The following NAP1L1 variants were observed in gnomAD, a reference collection of about 807,000 sequenced individuals.
The protein encoded by NAP1L1 is nucleosome assembly protein 1 like 1.
Under a neutral mutation model 58.9 loss-of-function variants are expected in NAP1L1, and 9 were observed. The ratio of observed to expected loss-of-function variants is 0.15; its 90% confidence interval spans 0.09 to 0.27. The LOEUF (loss-of-function observed/expected upper bound fraction) is 0.27, where lower values mean the gene tolerates loss of function less well. NAP1L1 is among the 10% of genes least tolerant of loss of function. The pLI is 1.00. For synonymous variants in NAP1L1, 130 were observed against 138.3 expected (o/e 0.94, Z 0.42); for missense variants, 302 against 458.8 (o/e 0.66, Z 3.12).
In NAP1L1 at chr12:76,047,469, C is replaced by T. The variant is rs1258825798; in HGVS notation, c.*960G>A. The T allele has an allele frequency of 1.4e-5, 2 of 143,736 alleles. No homozygotes were observed. Among genetic ancestry groups the T allele is most frequent in the African/African-American group, 2.6e-5 (1 of 38,780 alleles). 8.9% of individuals were successfully genotyped at this position (143,736 alleles called of 1,614,324 possible). ...ACACTTGCTTATTAGTATAGCATCT[C>T]GTTCCAAAGCTGGTACCTTTTCTTC... is the stretch of plus-strand genomic sequence containing the variant. On this transcript the variant is annotated 3_prime_UTR_variant, in exon 15 of 15. Transcript: ENST00000618691.
intron 2 of NAP1L1, among the ~76,000 whole-genome samples, chr12:76,073,547 A>G (rs772633154): frequency 2.6e-5 from 4 of 152,198 alleles, no homozygotes; most frequent in Non-Finnish European, 4.4e-5. Flanking sequence ...TGACCCAGAT[A>G]GTCTTTCTTC....
chr12:76,075,372 TTTAA>T (rs1279156521), intron 1 of NAP1L1, among the ~76,000 whole-genome samples: 1 of 152,192 alleles, frequency 6.6e-6, no homozygotes, highest in African/African-American at 2.4e-5. Context: ...TTAATACATA[TTTAA>T]TTCACAAAAT....
chr12:76,080,306 A>G (rs939715054), intron 1 of NAP1L1, among the ~76,000 whole-genome samples: 1 of 152,246 alleles, frequency 6.6e-6, no homozygotes, highest in Non-Finnish European at 1.5e-5. Context: ...AATTATTTAC[A>G]GTACATAATA....
At chr12:76,078,536 A>G (rs1950283439) in intron 1 of NAP1L1, among the ~76,000 whole-genome samples, 1 of 152,236 alleles carries the variant, frequency 6.6e-6, no homozygotes, top group Non-Finnish European at 1.5e-5. Context: ...AAACAAATAC[A>G]TACCTACAGA....
chr12:76,058,677 C>A (rs562771200), intron 6 of NAP1L1, among the ~76,000 whole-genome samples: 16 of 152,254 alleles, frequency 1.1e-4, no homozygotes, highest in Non-Finnish European at 1.0e-4. Context: ...TGAGCCACTG[C>A]GCCTGGCCTT....
At chr12:76,051,236 G>A (rs1948811734) in intron 11 of NAP1L1, among the ~76,000 whole-genome samples, 1 of 151,478 alleles carries the variant, frequency 6.6e-6, no homozygotes, top group Non-Finnish European at 1.5e-5. Context: ...GAACTGCTTA[G>A]TTTTTGCTGG....
intron 4 of NAP1L1, among the ~76,000 whole-genome samples, chr12:76,066,063 A>C (rs1244105449): frequency 6.6e-6 from 1 of 150,956 alleles, no homozygotes. Flanking sequence ...TAAAAAAAAA[A>C]AAAAAACTAG....
chr12:76,054,429 G>A (rs1320033009), intron 8 of NAP1L1, among the ~76,000 whole-genome samples: 3 of 152,146 alleles, frequency 2.0e-5, no homozygotes, highest in Non-Finnish European at 4.4e-5. Context: ...AAATTGAACT[G>A]AATAGAACTT....
intron 7 of NAP1L1, among the ~76,000 whole-genome samples, chr12:76,055,710 CA>C (rs1949054472): frequency 6.6e-6 from 1 of 152,156 alleles, no homozygotes; most frequent in African/African-American, 2.4e-5. Context: ...AAGGGAATTG[CA>C]TAATTGCAGC....
chr12:76,074,401 A>C (rs1950097668), intron 1 of NAP1L1, 162 bp from the exon 2 acceptor site: 1 of 970,560 alleles, frequency 1.0e-6, no homozygotes, highest in South Asian at 4.8e-5. Context: ...CTCATGGAAC[A>C]TGCAAATTCT....
intron 1 of NAP1L1, among the ~76,000 whole-genome samples, chr12:76,076,250 T>C (rs1950164782): frequency 6.6e-6 from 1 of 152,126 alleles, no homozygotes; most frequent in African/African-American, 2.4e-5. Context: ...CACACTCCTA[T>C]AAAGCTTTCT....
intron 14 of NAP1L1, among the ~76,000 whole-genome samples, chr12:76,048,671 TAAA>T (rs900534699): frequency 2.0e-5 from 3 of 152,084 alleles, no homozygotes; most frequent in African/African-American, 7.2e-5. Flanking sequence ...ATTAACTCCA[TAAA>T]ATGTGACACA....
At chr12:76,084,218 C>G (rs1465217956) in intron 1 of NAP1L1, 1 of 152,214 alleles carries the variant, frequency 6.6e-6, no homozygotes, top group Non-Finnish European at 1.5e-5. Flanking sequence ...TCCCGGTCCT[C>G]GCGGCGCAGC....
Position 76,039,875 on chromosome 12 carries a change from T to C in NAP1L1, c.*8554A>G, listed in dbSNP as rs915385207. On this transcript the variant is annotated 3_prime_UTR_variant, in exon 15 of 15. Transcript: ENST00000618691. ...TGCTGATTAATACTGTAAACTGAAA[T>C]CCCACTAGTTTAAAACTATACATGG... is the stretch of plus-strand genomic sequence containing the variant. The C allele has an allele frequency of 6.6e-6, 1 of 152,190 alleles. No homozygotes were observed. Among genetic ancestry groups the C allele is most frequent in the Non-Finnish European group, 1.5e-5 (1 of 68,034 alleles). The allele number at this position is 152,190 out of a possible 1,614,324, so 9.4% of individuals were successfully genotyped here. A position where few individuals can be genotyped will look rare whatever the true frequency, so the allele number is the denominator to read the frequency against.
rs1408566312 is a variant in NAP1L1, at chr12:76,038,730, T to C, written c.*9699A>G. On this transcript the variant is annotated 3_prime_UTR_variant, in exon 15 of 15. Coordinates refer to ENST00000618691, the MANE Select transcript of NAP1L1 (RefSeq NM_004537.7). ...ACAAGAAGATAAAACCCAGGAAATG[T>C]TTATGGCAAGCTTGTATGTTGCCAC... 1 of 152,094 alleles carries C rather than the reference T, an allele frequency of 6.6e-6. No homozygotes were observed. The highest frequency in any genetic ancestry group is 1.9e-4 in the East Asian group (1 of 5,186). 9.4% of individuals were successfully genotyped at this position (152,094 alleles called of 1,614,324 possible).
rs1435761395 is a variant in NAP1L1 at position 76,061,333 on chromosome 12, A to G, written c.207-1054T>C. 2.6e-5 allele frequency among the ~76,000 whole-genome samples: 4 copies of G among 152,244 alleles called. No homozygotes were observed. In the East Asian group the frequency reaches 7.7e-4, roughly 29 times the overall value. On this transcript the variant is annotated intron_variant, in intron 4 of 14. Coordinates refer to ENST00000618691, the MANE Select transcript of NAP1L1 (RefSeq NM_004537.7). Reference sequence around the variant, plus strand: ...GTCTGTTGTTTCCTTCTTTGTGTTCATGAGTTCTCATCATTTAGCTCCTAC... The same window carrying G: ...GTCTGTTGTTTCCTTCTTTGTGTTCGTGAGTTCTCATCATTTAGCTCCTAC...
rs780032291 is a variant in NAP1L1 at position 76,060,294 on chromosome 12, A to G, written c.207-15T>C. On this transcript the variant is annotated splice_polypyrimidine_tract_variant and intron_variant, in intron 4 of 14. Coordinates refer to ENST00000618691, the MANE Select transcript of NAP1L1 (RefSeq NM_004537.7). ...CCCTAGGCAGGCTGAAAGGTTAGAA[A>G]TCAGTTATATAGCATCAGAGTAAAA... 2 of 1,612,758 alleles carry G rather than the reference A, an allele frequency of 1.2e-6. No individual in the cohort carries two copies. The highest frequency in any genetic ancestry group is 2.7e-5 in the African/African-American group (2 of 74,892).
At chr12:76,058,142 G>GCC in intron 6 of NAP1L1, 1 of 680,176 alleles carries the variant, frequency 1.5e-6, no homozygotes, top group South Asian at 1.4e-5. Context: ...AAATTTGTCT[G>GCC]TAGTTAATGG....
At chr12:76,048,695 T>C (rs542542860) in intron 14 of NAP1L1, among the ~76,000 whole-genome samples, 1 of 152,170 alleles carries the variant, frequency 6.6e-6, no homozygotes, top group Admixed American at 6.5e-5. Context: ...CGCTAAACCA[T>C]AATCTTAAAA....
Sources: allele counts gnomAD v4.1 joint callset (sites outside exome capture counted in the v4.1 genomes callset), GRCh38; gene constraint gnomAD v4.1.1; transcripts MANE v1.5; gene names NCBI Gene and HGNC (gene_info 2026-07-23, HGNC 2026-07-21).